Variants in OCA2 observed in about 807,000 individuals in gnomAD.
OCA2 encodes OCA2 melanosomal transmembrane protein.
OCA2 carries 77 observed loss-of-function variants against 100.2 expected under a neutral mutation model. The observed-to-expected ratio is 0.77, with a 90% confidence interval of 0.64 to 0.93. OCA2 has a LOEUF of 0.93. Ranked by LOEUF, OCA2 falls within the 40% of genes least tolerant of loss-of-function variation. OCA2 has a pLI of 0.00. For synonymous variants in OCA2, 432 were observed against 439.2 expected (o/e 0.98, Z 0.21); for missense variants, 1,062 against 1,089.1 (o/e 0.98, Z 0.35).
At chr15:28,059,009 G>C (rs539736675) in intron 2 of OCA2, among the ~76,000 whole-genome samples, 88 of 152,350 alleles carry the variant, frequency 5.8e-4, no homozygotes, top group Admixed American at 4.7e-3. Flanking sequence ...ACTGGGTCCA[G>C]AGAGCGCTCA....
intron 14 of OCA2, among the ~76,000 whole-genome samples, chr15:27,978,822 A>T (rs1201253899): frequency 6.6e-6 from 1 of 151,916 alleles, no homozygotes; most frequent in Non-Finnish European, 1.5e-5. Flanking sequence ...AGTAGCTAGG[A>T]TTCCACGTGC....
chr15:27,942,682 A>T (rs2039692277), intron 18 of OCA2, among the ~76,000 whole-genome samples: 1 of 152,314 alleles, frequency 6.6e-6, no homozygotes, highest in South Asian at 2.1e-4. Context: ...CTATATCTCC[A>T]TTTTTAAAAA....
intron 2 of OCA2, among the ~76,000 whole-genome samples, chr15:28,045,115 C>T (rs1310293039): frequency 2.0e-5 from 3 of 152,076 alleles, no homozygotes; most frequent in African/African-American, 7.2e-5. Context: ...TCCTTGTTCC[C>T]TTTTTCTGCC....
chr15:28,049,890 C>T (rs536814560), intron 2 of OCA2, among the ~76,000 whole-genome samples: 1 of 152,184 alleles, frequency 6.6e-6, no homozygotes, highest in South Asian at 2.1e-4. Flanking sequence ...CTGATGGTTG[C>T]CCATTAGGAA....
intron 23 of OCA2, among the ~76,000 whole-genome samples, chr15:27,837,231 G>A (rs535752173): frequency 2.0e-5 from 3 of 152,278 alleles, no homozygotes; most frequent in East Asian, 1.9e-4. Context: ...AGGAAGTGCC[G>A]CAAATAAGAT....
At chr15:28,020,208 C>A (rs1295232026) in intron 6 of OCA2, among the ~76,000 whole-genome samples, 2 of 145,604 alleles carry the variant, frequency 1.4e-5, no homozygotes, top group Non-Finnish European at 3.0e-5. Flanking sequence ...CTGCGTGGGG[C>A]CTGGTGCACT....
the OCA2 span, among the ~76,000 whole-genome samples, chr15:27,723,391 C>G: frequency 6.6e-6 from 1 of 152,104 alleles, no homozygotes; most frequent in African/African-American, 2.4e-5. Context: ...TGTGTGAGTC[C>G]AAGGTCTCCT....
chr15:27,989,677 A>T lies in OCA2; in HGVS notation c.1117-11T>A. The T allele has an allele frequency of 6.2e-7, 1 of 1,613,980 alleles. No homozygotes were observed. Among genetic ancestry groups the T allele is most frequent in the Non-Finnish European group, 8.5e-7 (1 of 1,179,876 alleles). ...GGTCAGGCTGGGTCTCTGCAATCAA[A>T]GCACAAATTTGCCAATTAATCCGTG... On this transcript the variant is annotated splice_polypyrimidine_tract_variant and intron_variant, in intron 10 of 23. Transcript: ENST00000354638.
At chr15:27,918,441 C>CATGAT (rs1316342249) in intron 19 of OCA2, among the ~76,000 whole-genome samples, 1 of 152,108 alleles carries the variant, frequency 6.6e-6, no homozygotes, top group Non-Finnish European at 1.5e-5. Flanking sequence ...CAAATAAAAA[C>CATGAT]ATGAAGGTTG....
intron 18 of OCA2, among the ~76,000 whole-genome samples, chr15:27,939,704 G>A (rs35205178): frequency 7.9e-5 from 12 of 152,344 alleles, no homozygotes; most frequent in South Asian, 2.1e-4. Context: ...AGGTGCATTA[G>A]ACACGGTCAG....
rs1246016828 is a variant in OCA2, at chr15:27,990,626, C to T, written c.1066G>A (p.Ala356Thr). ...IFEIVHRTLAAMLGSLAALAA... is the reference protein window; with the variant it reads ...IFEIVHRTLATMLGSLAALAA... ...AGTGCTGCAAGGGAACCCAGCATGG[C>T]CGCCAGAGTTCTGTGCACGATCTGG... The change falls in exon 10 of 24, where the codon GCC (alanine) becomes ACC (threonine). Residue 356 changes from alanine to threonine, a missense_variant. By Grantham distance (58) the Ala-to-Thr change is moderately conservative. Transcript: ENST00000354638. The T allele has an allele frequency of 2.5e-6, 4 of 1,614,046 alleles. No individual in the cohort carries two copies. Among genetic ancestry groups the T allele is most frequent in the Non-Finnish European group, 3.4e-6 (4 of 1,180,012 alleles).
chr15:27,753,991 G>A (rs2030169118), downstream of OCA2, among the ~76,000 whole-genome samples: 2 of 151,988 alleles, frequency 1.3e-5, no homozygotes, highest in Non-Finnish European at 2.9e-5. Flanking sequence ...TCAGTGACCG[G>A]CTCAGGGATA....
intron 23 of OCA2, among the ~76,000 whole-genome samples, chr15:27,839,987 A>C (rs2035287619): frequency 6.6e-6 from 1 of 152,178 alleles, no homozygotes; most frequent in Non-Finnish European, 1.5e-5. Flanking sequence ...AATTCAGATG[A>C]AAGGAAAGCC....
chr15:28,053,272 T>C (rs1181575989), intron 2 of OCA2, among the ~76,000 whole-genome samples: 3 of 152,074 alleles, frequency 2.0e-5, no homozygotes, highest in Admixed American at 1.3e-4. Flanking sequence ...GGGTGGGCCA[T>C]GGAGGGCACA....
At chr15:28,004,245 C>T (rs2042020211) in intron 9 of OCA2, among the ~76,000 whole-genome samples, 1 of 147,830 alleles carries the variant, frequency 6.8e-6, no homozygotes, top group African/African-American at 2.7e-5. Context: ...GCATCCCCTG[C>T]GGCTCCGCCC....
intron 17 of OCA2, among the ~76,000 whole-genome samples, chr15:27,952,651 CATTT>C (rs1358568717): frequency 0.01 from 1,536 of 152,142 alleles, 27 homozygotes; most frequent in African/African-American, 0.035. Flanking sequence ...TTCTTTCTTT[CATTT>C]ATTTATTTAT....
At chr15:27,949,080 T>C (rs559031521) in intron 18 of OCA2, among the ~76,000 whole-genome samples, 92 of 150,632 alleles carry the variant, frequency 6.1e-4, no homozygotes, top group African/African-American at 2.2e-3. Flanking sequence ...TTTTGCTCTA[T>C]GATAATAAAA....
chr15:28,083,614 C>A (rs1165460169), intron 1 of OCA2, among the ~76,000 whole-genome samples: 1 of 152,162 alleles, frequency 6.6e-6, no homozygotes, highest in Non-Finnish European at 1.5e-5. Context: ...TCAATATTTG[C>A]ATTTGAAACT....
At chr15:27,896,195 T>C in intron 19 of OCA2, 1 of 911,532 alleles carries the variant, frequency 1.1e-6, no homozygotes, top group South Asian at 1.3e-5. Context: ...GAGCTGTAGA[T>C]AGAGGCTTGT....
Sources: gnomAD v4.1 joint callset for allele counts (sites outside exome capture counted in the v4.1 genomes callset) on GRCh38, gnomAD v4.1.1 for gene constraint, MANE v1.5 for transcripts, NCBI Gene and HGNC (gene_info 2026-07-23, HGNC 2026-07-21) for gene names.